The following STX2 variants were observed in gnomAD, a reference collection of about 807,000 sequenced individuals.
The protein encoded by STX2 is syntaxin-2.
Under a neutral mutation model 40.6 loss-of-function variants are expected in STX2, and 27 were observed. That is an observed-to-expected ratio of 0.66 (90% CI 0.49 to 0.92). STX2 has a LOEUF of 0.92. Ranked by LOEUF, STX2 falls within the 40% of genes least tolerant of loss-of-function variation. STX2 has a pLI of 0.00. For synonymous variants in STX2, 123 were observed against 119.1 expected, an observed-to-expected ratio of 1.03 and a Z score of -0.22; for missense variants, 328 against 366.1, an observed-to-expected ratio of 0.90 and a Z score of 0.85.
chr12:130,829,292 G>T (rs146892818), intron 1 of STX2, among the ~76,000 whole-genome samples: 30 of 152,334 alleles, frequency 2.0e-4, no homozygotes, highest in African/African-American at 7.0e-4. Flanking sequence ...TTTACTTCCA[G>T]CTCACAAGAG....
intron 4 of STX2, among the ~76,000 whole-genome samples, chr12:130,811,524 C>T (rs1951652712): frequency 6.7e-6 from 1 of 149,304 alleles, no homozygotes. Context: ...ATGTTAATGT[C>T]ACCATTAACA....
At chr12:130,820,669 A>AT (rs1418139379) in intron 3 of STX2, among the ~76,000 whole-genome samples, 5 of 152,110 alleles carry the variant, frequency 3.3e-5, no homozygotes, top group Non-Finnish European at 7.4e-5. Context: ...CCGTCTCAAA[A>AT]TAAAAAAAAA....
intron 10 of STX2, among the ~76,000 whole-genome samples, chr12:130,794,298 A>G (rs1385758595): frequency 1.3e-5 from 2 of 151,830 alleles, no homozygotes; most frequent in Admixed American, 1.3e-4. Flanking sequence ...ATCCTACACA[A>G]ACATCCTGCC....
chr12:130,805,107 C>T (rs1951381524), intron 6 of STX2, among the ~76,000 whole-genome samples: 1 of 152,150 alleles, frequency 6.6e-6, no homozygotes, highest in Non-Finnish European at 1.5e-5. Context: ...GTAATGATGA[C>T]TTTCACTTTA....
At chr12:130,792,936 T>A (rs1000978734) in intron 10 of STX2, among the ~76,000 whole-genome samples, 1 of 152,186 alleles carries the variant, frequency 6.6e-6, no homozygotes, top group Non-Finnish European at 1.5e-5. Context: ...TTTGGCTTAA[T>A]AAATGGAGTC....
intron 3 of STX2, among the ~76,000 whole-genome samples, chr12:130,815,767 G>A (rs908811097): frequency 2.0e-5 from 3 of 152,140 alleles, no homozygotes; most frequent in Admixed American, 6.5e-5. Flanking sequence ...GGGGGCAAGC[G>A]CCTGAATTTT....
intron 2 of STX2, among the ~76,000 whole-genome samples, chr12:130,824,759 A>T (rs1430040556): frequency 6.6e-6 from 1 of 152,226 alleles, no homozygotes; most frequent in Non-Finnish European, 1.5e-5. Context: ...GATATTGAAG[A>T]TCAGAATGAG....
Position 130,798,022 on chromosome 12 carries a change from C to T in STX2, c.786+503G>A, listed in dbSNP as rs540429078. Reference sequence around the variant, plus strand: ...CAGCACTTTGGAAGGCCGAGATGGGCGGATCACTTGAGGTCACGAGTTCAA... The same window carrying T: ...CAGCACTTTGGAAGGCCGAGATGGGTGGATCACTTGAGGTCACGAGTTCAA... On this transcript the variant is annotated intron_variant, in intron 9 of 10. Coordinates refer to ENST00000392373, the MANE Select transcript of STX2 (RefSeq NM_194356.4). 1.6e-4 allele frequency among the ~76,000 whole-genome samples: 24 copies of T among 152,272 alleles called. No homozygotes were observed. In the South Asian group the frequency reaches 4.6e-3, roughly 29 times the overall value.
chr12:130,794,075 G>A (rs1003819723), intron 10 of STX2, among the ~76,000 whole-genome samples: 10 of 152,110 alleles, frequency 6.6e-5, no homozygotes, highest in Non-Finnish European at 8.8e-5. Flanking sequence ...GAAAAGTCGC[G>A]CATTTCACTG....
At chr12:130,812,086 G>A (rs4759792) in intron 4 of STX2, 129,307 of 243,680 alleles carry the variant, frequency 0.53, 37,186 homozygotes, top group East Asian at 0.87. Flanking sequence ...AAAGGAAAAA[G>A]TGCAGAGAGA....
intron 4 of STX2, among the ~76,000 whole-genome samples, chr12:130,809,324 T>G (rs1951559036): frequency 6.6e-6 from 1 of 151,562 alleles, no homozygotes; most frequent in South Asian, 2.1e-4. Context: ...ACTTTAAAAC[T>G]GGGTACCACT....
Position 130,838,266 on chromosome 12 carries a change from C to T in STX2, c.30+804G>A, listed in dbSNP as rs979221580. Among the ~76,000 whole-genome samples the T allele has an allele frequency of 3.9e-5, 6 of 152,362 alleles. 1 individual carries two copies. Among genetic ancestry groups the T allele is most frequent in the African/African-American group, 1.2e-4 (5 of 41,578 alleles). Reference sequence around the variant, plus strand: ...TTAGACAAGCTTGGAAAGTGCACGACCATCACTATCATTCCGCTGTCACTG... The same window carrying T: ...TTAGACAAGCTTGGAAAGTGCACGATCATCACTATCATTCCGCTGTCACTG... On this transcript the variant is annotated intron_variant, in intron 1 of 10. Coordinates refer to ENST00000392373, the MANE Select transcript of STX2 (RefSeq NM_194356.4).
intron 10 of STX2, among the ~76,000 whole-genome samples, chr12:130,794,385 T>C (rs1950966248): frequency 6.6e-6 from 1 of 152,228 alleles, no homozygotes; most frequent in Non-Finnish European, 1.5e-5. Flanking sequence ...CAGAGCTCCT[T>C]ACAGAGTAAT....
At chr12:130,812,362 G>C (rs1177994732) in intron 4 of STX2, 5 of 454,332 alleles carry the variant, frequency 1.1e-5, no homozygotes, top group Non-Finnish European at 2.2e-5. Context: ...GGGAGCGGGT[G>C]CGGGTGGGAG....
rs1385396819 is a variant in STX2, at chr12:130,791,195, G to A, written c.*828C>T. The A allele has an allele frequency of 1.3e-5, 2 of 152,174 alleles. No individual in the cohort carries two copies. Among genetic ancestry groups the A allele is most frequent in the Non-Finnish European group, 2.9e-5 (2 of 68,032 alleles). The allele number at this position is 152,174 out of a possible 1,614,324, so 9.4% of individuals were successfully genotyped here. On this transcript the variant is annotated 3_prime_UTR_variant, in exon 11 of 11. Transcript: ENST00000392373. ...TAATTAGCACAAACTAGCTGGGAGA[G>A]GGAGGGAAAGGAAGCCTTAGACCTG...
intron 6 of STX2, among the ~76,000 whole-genome samples, chr12:130,804,590 G>A (rs962798336): frequency 8.5e-5 from 13 of 152,120 alleles, no homozygotes; most frequent in African/African-American, 2.4e-4. Flanking sequence ...GGGGTCCACC[G>A]TCTCTGTCTC....
chr12:130,813,656 T>C (rs1951743246), intron 3 of STX2, among the ~76,000 whole-genome samples: 1 of 152,132 alleles, frequency 6.6e-6, no homozygotes, highest in African/African-American at 2.4e-5. Context: ...AGGGCAGTGC[T>C]GAGACCTAAG....
At position 130,801,213 on chromosome 12, in the gene STX2, C is replaced by G. The variant is rs1381670346; in HGVS notation, c.615G>C (p.Glu205Asp). ...TCTCATGCAACTCTCGGATGCTGGT[C>G]TCCAGCTTCATGATGTCCTTGTGAC... ...ESRHKDIMKL[E>D]TSIRELHEMF... is the part of the protein sequence containing the mutation. Residue 205 changes from glutamate (E) to aspartate (D), a missense_variant, in exon 8 of 11, where the codon GAG becomes GAC. Glu to Asp is a conservative substitution (Grantham distance 45, BLOSUM62 2). Transcript: ENST00000392373. 6.2e-7 allele frequency: 1 copy of G among 1,613,964 alleles called. No homozygotes were observed. Among genetic ancestry groups the G allele is most frequent in the Non-Finnish European group, 8.5e-7 (1 of 1,179,964 alleles).
chr12:130,833,091 C>A (rs538924518), intron 1 of STX2, among the ~76,000 whole-genome samples: 2 of 152,330 alleles, frequency 1.3e-5, no homozygotes, highest in East Asian at 1.9e-4. Flanking sequence ...TTTTCACAAC[C>A]CAGGCATTCT....
Sources: gnomAD v4.1 joint callset for allele counts (sites outside exome capture counted in the v4.1 genomes callset) on GRCh38, gnomAD v4.1.1 for gene constraint, MANE v1.5 for transcripts, NCBI Gene and HGNC (gene_info 2026-07-23, HGNC 2026-07-21) for gene names.